Variants in SHISAL1 observed in about 807,000 individuals in gnomAD.
SHISAL1 encodes the protein shisa like 1, also known as protein shisa-like-1.
In SHISAL1, 9 loss-of-function variants were observed where a neutral mutation model predicts 22.6. That is an observed-to-expected ratio of 0.40 (90% CI 0.24 to 0.70). The LOEUF (loss-of-function observed/expected upper bound fraction) is 0.70. SHISAL1 is among the 30% of genes least tolerant of loss of function. The pLI, the probability that SHISAL1 is intolerant of heterozygous loss-of-function variation, is 0.39. For missense variants in SHISAL1, 246 were observed against 270.6 expected (o/e 0.91, Z 0.64); for synonymous variants, 119 against 115.4 (o/e 1.03, Z -0.20).
At chr22:44,275,060 G>A (rs1281717776) in intron 4 of SHISAL1, among the ~76,000 whole-genome samples, 1 of 152,196 alleles carries the variant, frequency 6.6e-6, no homozygotes, top group Non-Finnish European at 1.5e-5. Flanking sequence ...ACCCCTCTGC[G>A]GGTTTGCTAG....
At chr22:44,271,582 G>A (rs1406763553) in intron 4 of SHISAL1, among the ~76,000 whole-genome samples, 1 of 152,230 alleles carries the variant, frequency 6.6e-6, no homozygotes, top group African/African-American at 2.4e-5. Context: ...TATTTTAGCA[G>A]TTAAGACCAG....
chr22:44,300,880 T>C lies in SHISAL1; in HGVS notation c.66A>G (p.Ala22=), dbSNP rs763530385. Residue 22 remains alanine, a splice_region_variant and synonymous_variant, in exon 2 of 5, where the codon GCA becomes GCG. Coordinates refer to ENST00000381176, the MANE Select transcript of SHISAL1 (RefSeq NM_001099294.2). ...CCCCAGCATCCACGGAGGTTTTACC[T>C]GCAGAAAACAGCAATGAGAAGAGGA... is the stretch of plus-strand genomic sequence containing the variant. ...LAVLFSLLFS[A]VLSAHFRVCE... is the part of the protein sequence containing the mutation. 9.9e-6 allele frequency: 16 copies of C among 1,613,212 alleles called. No homozygotes were observed. The South Asian group carries it at 1.6e-4, about 17-fold the overall frequency.
intron 2 of SHISAL1, among the ~76,000 whole-genome samples, chr22:44,298,651 C>T (rs1330943673): frequency 4.6e-5 from 7 of 152,186 alleles, no homozygotes; most frequent in South Asian, 2.1e-4. Flanking sequence ...GGGACCAGCC[C>T]GTGAGGCTAC....
At chr22:44,272,294 C>T (rs2147281370) in intron 4 of SHISAL1, among the ~76,000 whole-genome samples, 1 of 152,356 alleles carries the variant, frequency 6.6e-6, no homozygotes, top group South Asian at 2.1e-4. Flanking sequence ...CTTCCAAAAA[C>T]CTTCCCTAAG....
At chr22:44,295,140 T>A (rs192510682) in intron 3 of SHISAL1, among the ~76,000 whole-genome samples, 61 of 152,252 alleles carry the variant, frequency 4.0e-4, no homozygotes, top group African/African-American at 1.4e-3. Flanking sequence ...TATTAAAACA[T>A]ATTAAAAGTC....
At chr22:44,256,358 C>CA (rs1350992001) in intron 4 of SHISAL1, among the ~76,000 whole-genome samples, 1 of 152,180 alleles carries the variant, frequency 6.6e-6, no homozygotes, top group Non-Finnish European at 1.5e-5. Flanking sequence ...CCTGGGTCTC[C>CA]AGCTTGCTAA....
intron 4 of SHISAL1, among the ~76,000 whole-genome samples, chr22:44,258,778 G>T (rs2055101664): frequency 6.6e-6 from 1 of 152,188 alleles, no homozygotes; most frequent in Non-Finnish European, 1.5e-5. Flanking sequence ...TGGGTCAAAG[G>T]TAAGAAATAC....
chr22:44,300,228 CAG>C (rs1269802495), intron 2 of SHISAL1, among the ~76,000 whole-genome samples: 1 of 151,898 alleles, frequency 6.6e-6, no homozygotes, highest in Non-Finnish European at 1.5e-5. Context: ...GACAGAAAGA[CAG>C]AGAGACAGAG....
chr22:44,265,201 G>T (rs1422777983), intron 4 of SHISAL1, among the ~76,000 whole-genome samples: 2 of 152,180 alleles, frequency 1.3e-5, no homozygotes, highest in Admixed American at 1.3e-4. Flanking sequence ...GAGACCAAAG[G>T]ATGGGGACGG....
the SHISAL1 span, among the ~76,000 whole-genome samples, chr22:44,323,063 A>AT: frequency 1.9e-5 from 2 of 103,754 alleles, no homozygotes; most frequent in East Asian, 6.1e-4. Context: ...CCATCCACCC[A>AT]CCTCACCCAC....
At chr22:44,304,815 A>G (rs1357776661) in intron 1 of SHISAL1, among the ~76,000 whole-genome samples, 2 of 152,024 alleles carry the variant, frequency 1.3e-5, no homozygotes, top group Non-Finnish European at 1.5e-5. Flanking sequence ...CTGAGGCCCA[A>G]TAAGAGTTGA....
At chr22:44,326,022 C>G in the SHISAL1 span, among the ~76,000 whole-genome samples, 3 of 151,996 alleles carry the variant, frequency 2.0e-5, no homozygotes, top group Middle Eastern at 3.2e-3. Context: ...AGGGAAGGAC[C>G]CTGTTTCAAA....
intron 4 of SHISAL1, among the ~76,000 whole-genome samples, chr22:44,284,710 T>G (rs2055299239): frequency 1.3e-5 from 2 of 152,154 alleles, no homozygotes; most frequent in African/African-American, 4.8e-5. Flanking sequence ...GCACAGACCC[T>G]GCCTCTCCCC....
rs1351558755 is a variant in SHISAL1 at position 44,249,151 on chromosome 22, A to G, written c.*534T>C. On this transcript the variant is annotated 3_prime_UTR_variant, in exon 5 of 5. Transcript: ENST00000381176. ...CCCAGCCGGAGGGTGACTCATGCCCATCAGAGAACTTGAGGGGGGAAGCCC... is the reference window on the plus strand; with the variant it reads ...CCCAGCCGGAGGGTGACTCATGCCCGTCAGAGAACTTGAGGGGGGAAGCCC... 1 of 152,594 alleles carries G rather than the reference A, an allele frequency of 6.6e-6. No individual in the cohort carries two copies. The highest frequency in any genetic ancestry group is 1.5e-5 in the Non-Finnish European group (1 of 68,566). 9.5% of individuals were successfully genotyped at this position (152,594 alleles called of 1,614,324 possible).
intron 1 of SHISAL1, among the ~76,000 whole-genome samples, chr22:44,305,546 G>T (rs2055464470): frequency 6.6e-6 from 1 of 152,250 alleles, no homozygotes; most frequent in Admixed American, 6.5e-5. Context: ...AGGACAGTGT[G>T]CAGCCTGAAG....
At chr22:44,298,431 T>A (rs947074864) in intron 2 of SHISAL1, among the ~76,000 whole-genome samples, 3 of 152,202 alleles carry the variant, frequency 2.0e-5, no homozygotes, top group Non-Finnish European at 4.4e-5. Flanking sequence ...CCGCCGTCTG[T>A]CCTGGCAAGC....
intron 1 of SHISAL1, among the ~76,000 whole-genome samples, chr22:44,311,537 T>C (rs1190964834): frequency 6.6e-6 from 1 of 152,246 alleles, no homozygotes; most frequent in East Asian, 1.9e-4. Context: ...GCCCCTGGCC[T>C]GGGCCAGTTC....
intron 4 of SHISAL1, among the ~76,000 whole-genome samples, chr22:44,259,767 T>G (rs1303263198): frequency 6.6e-6 from 1 of 152,184 alleles, no homozygotes; most frequent in African/African-American, 2.4e-5. Flanking sequence ...ATGTCAGAAT[T>G]TCAGCTTAGG....
intron 4 of SHISAL1, among the ~76,000 whole-genome samples, chr22:44,254,878 A>T (rs1601775135): frequency 6.6e-6 from 1 of 152,174 alleles, no homozygotes; most frequent in Non-Finnish European, 1.5e-5. Flanking sequence ...GCCCCTTCCC[A>T]ACAGGCTTTT....
Sources: allele counts gnomAD v4.1 joint callset (sites outside exome capture counted in the v4.1 genomes callset), GRCh38; gene constraint gnomAD v4.1.1; transcripts MANE v1.5; gene names NCBI Gene and HGNC (gene_info 2026-07-23, HGNC 2026-07-21).